Variants in ARHGEF10L observed in about 807,000 individuals in gnomAD.
ARHGEF10L encodes the protein rho guanine nucleotide exchange factor 10-like protein.
In ARHGEF10L, 69 loss-of-function variants were observed where a neutral mutation model predicts 141.2. The observed-to-expected ratio is 0.49, with a 90% CI of 0.40 to 0.60. The LOEUF (loss-of-function observed/expected upper bound fraction) is 0.60. Among genes scored for constraint, ARHGEF10L ranks in the 20% least tolerant of loss-of-function variants. The pLI is 0.00. For missense variants in ARHGEF10L, 1,482 were observed against 1,734.3 expected (o/e 0.85, Z 2.58); for synonymous variants, 711 against 718.5 (o/e 0.99, Z 0.17).
At chr1:17,613,270 T>A in intron 8 of ARHGEF10L, 96 bp downstream of exon 8, 1 of 1,015,572 alleles carries the variant, frequency 9.8e-7, no homozygotes, top group Non-Finnish European at 1.5e-6. Flanking sequence ...CCACGAAGCC[T>A]ACCAGGCCCA....
intron 21 of ARHGEF10L, among the ~76,000 whole-genome samples, chr1:17,645,270 TG>T (rs1557916600): frequency 1.3e-5 from 2 of 152,182 alleles, no homozygotes; most frequent in Admixed American, 6.5e-5. Context: ...TCTGGTTTTG[TG>T]ACGGGAACAA....
At chr1:17,542,485 G>T (rs944628037) in intron 1 of ARHGEF10L, among the ~76,000 whole-genome samples, 43 of 152,110 alleles carry the variant, frequency 2.8e-4, no homozygotes, top group African/African-American at 1.0e-3. Flanking sequence ...GTTACTTGGG[G>T]AAATAGTATA....
Position 17,573,314 on chromosome 1 carries a change from G to T in ARHGEF10L, c.-43-7239G>T, listed in dbSNP as rs572319300. 6.6e-6 allele frequency among the ~76,000 whole-genome samples: 1 copy of T among 152,206 alleles called. No individual in the cohort carries two copies. Among genetic ancestry groups the T allele is most frequent in the Non-Finnish European group, 1.5e-5 (1 of 68,044 alleles). On this transcript the variant is annotated intron_variant, in intron 1 of 28. Coordinates refer to ENST00000361221, the MANE Select transcript of ARHGEF10L (RefSeq NM_018125.4). This position sits in a 1 kb window ranked among gnomAD's most constrained non-coding sequence, Gnocchi z 4.8. The stretch of plus-strand genomic sequence containing the variant: ...GGGCATCCCTGTTGTAGGTGGGGAA[G>T]CTGAGGCTCTGATGGGCGAGTTGAT...
intron 1 of ARHGEF10L, among the ~76,000 whole-genome samples, chr1:17,578,340 T>TA (rs1237189812): frequency 1.3e-5 from 2 of 152,200 alleles, no homozygotes; most frequent in Admixed American, 6.5e-5. Context: ...AGCGTGGGTC[T>TA]AAAAGGCACA....
At chr1:17,691,266 G>C (rs186252720) in intron 27 of ARHGEF10L, 35 of 369,920 alleles carry the variant, frequency 9.5e-5, no homozygotes, top group African/African-American at 7.5e-4. Flanking sequence ...TTTTTCTTTC[G>C]GACTGTTTGT....
chr1:17,570,859 A>G (rs1158357706), intron 1 of ARHGEF10L, among the ~76,000 whole-genome samples: 1 of 152,138 alleles, frequency 6.6e-6, no homozygotes, highest in African/African-American at 2.4e-5. Context: ...GGTGTGAGAC[A>G]GAGGTGTCAA....
intron 10 of ARHGEF10L, among the ~76,000 whole-genome samples, chr1:17,620,814 G>T (rs1288777960): frequency 6.6e-6 from 1 of 152,198 alleles, no homozygotes; most frequent in East Asian, 1.9e-4. Context: ...CACCTCCTGT[G>T]AGCAGCGTCC....
intron 9 of ARHGEF10L, among the ~76,000 whole-genome samples, chr1:17,616,904 C>T (rs2101245122): frequency 6.6e-6 from 1 of 152,296 alleles, no homozygotes; most frequent in Middle Eastern, 3.4e-3. Context: ...TGCTCTTAGT[C>T]AGCACTGACT....
At chr1:17,665,647 C>A (rs980472783) in intron 26 of ARHGEF10L, among the ~76,000 whole-genome samples, 2 of 152,218 alleles carry the variant, frequency 1.3e-5, no homozygotes, top group Non-Finnish European at 2.9e-5. Context: ...ACGAGGCTTC[C>A]AGTCTGTAAT....
intron 3 of ARHGEF10L, 150 bp from the exon 4 acceptor site, chr1:17,588,296 G>T (rs1449388364): frequency 4.1e-5 from 31 of 750,360 alleles, no homozygotes; most frequent in Non-Finnish European, 6.0e-5. Context: ...AGCCAGGGCT[G>T]GGGGAGGGAG....
intron 28 of ARHGEF10L, 31 bp from the exon 29 acceptor site, chr1:17,696,817 G>T: frequency 6.6e-7 from 1 of 1,512,294 alleles, no homozygotes; most frequent in Non-Finnish European, 8.9e-7. Context: ...GGGCCTTTGG[G>T]CCCCTTTCTC....
chr1:17,521,756 C>T, the ARHGEF10L span, among the ~76,000 whole-genome samples: 1 of 152,144 alleles, frequency 6.6e-6, no homozygotes, highest in Admixed American at 6.5e-5. Flanking sequence ...AGTGCTCAGC[C>T]AAGCTCTTAG....
chr1:17,634,885 T>C lies in ARHGEF10L; in HGVS notation c.1796T>C (p.Val599Ala). 6.2e-7 allele frequency: 1 copy of C among 1,613,966 alleles called. No homozygotes were observed. The highest frequency in any genetic ancestry group is 2.2e-5 in the East Asian group (1 of 44,858). ...GTGCCCCTGGGGCCCAAGTATGTGG[T>C]GAAGTGGAACACGGCGCTGCCCCAG... Reference protein sequence around the residue: ...SLVPLGPKYVVKWNTALPQVQ... With the variant: ...SLVPLGPKYVAKWNTALPQVQ... Residue 599 changes from valine (V) to alanine (A), a missense_variant, in exon 18 of 29, where the codon GTG (valine) becomes GCG (alanine). By Grantham distance (64) the Val-to-Ala change is moderately conservative. This residue lies in a region of ARHGEF10L where 858 missense variants were observed against 966.3 expected (regional missense o/e 0.89). Coordinates refer to ENST00000361221, the MANE Select transcript of ARHGEF10L (RefSeq NM_018125.4).
chr1:17,623,254 C>T lies in ARHGEF10L; in HGVS notation c.1200+79C>T. The T allele has an allele frequency of 6.7e-7, 1 of 1,497,548 alleles. No individual in the cohort carries two copies. Among genetic ancestry groups the T allele is most frequent in the Non-Finnish European group, 9.1e-7 (1 of 1,102,848 alleles). 92.8% of individuals were successfully genotyped at this position (1,497,548 alleles called of 1,614,324 possible). ...CTGACCCCGGGGCCATGCAGTCCAG[C>T]CTCCTGCCTCTGCCTGCTTGCCTTG... On this transcript the variant is annotated intron_variant, in intron 12 of 28. Coordinates refer to ENST00000361221, the MANE Select transcript of ARHGEF10L (RefSeq NM_018125.4). This position sits in a 1 kb window ranked among gnomAD's most constrained non-coding sequence, Gnocchi z 4.7.
chr1:17,519,825 G>A, the ARHGEF10L span, among the ~76,000 whole-genome samples: 1 of 151,536 alleles, frequency 6.6e-6, no homozygotes, highest in Non-Finnish European at 1.5e-5. Context: ...CCTGGGCGAT[G>A]ACCAGAGACT....
At chr1:17,680,412 A>G (rs1218890189) in intron 26 of ARHGEF10L, among the ~76,000 whole-genome samples, 1 of 152,184 alleles carries the variant, frequency 6.6e-6, no homozygotes, top group Non-Finnish European at 1.5e-5. Flanking sequence ...AGGCACATAA[A>G]TATTGTAGGA....
chr1:17,662,290 A>G (rs1254425637), intron 25 of ARHGEF10L, among the ~76,000 whole-genome samples: 1 of 152,092 alleles, frequency 6.6e-6, no homozygotes, highest in Non-Finnish European at 1.5e-5. Flanking sequence ...CGCTGTCAAG[A>G]CCCTGACTGT....
At chr1:17,585,037 A>C (rs1005676337) in intron 2 of ARHGEF10L, among the ~76,000 whole-genome samples, 1 of 152,270 alleles carries the variant, frequency 6.6e-6, no homozygotes, top group African/African-American at 2.4e-5. Context: ...AATATCAAAA[A>C]GATACCCCAT....
At chr1:17,650,309 G>C (rs1475922567) in intron 22 of ARHGEF10L, among the ~76,000 whole-genome samples, 22 of 152,118 alleles carry the variant, frequency 1.4e-4, no homozygotes, top group Admixed American at 1.4e-3. Flanking sequence ...AGCTACTTGG[G>C]AGGCTGAGGT....
Sources: gnomAD v4.1 joint callset for allele counts (sites outside exome capture counted in the v4.1 genomes callset) on GRCh38, gnomAD v4.1.1 for gene constraint, gnomAD v4.1.1 regional missense constraint, Gnocchi (gnomAD v3.1) non-coding constraint, MANE v1.5 for transcripts, NCBI Gene and HGNC (gene_info 2026-07-23, HGNC 2026-07-21) for gene names.